Variants in TSHR observed in about 807,000 individuals in gnomAD.
TSHR encodes thyrotropin receptor.
Under a neutral mutation model 64.1 loss-of-function variants are expected in TSHR, and 51 were observed. The ratio of observed to expected loss-of-function variants is 0.80; its 90% CI spans 0.64 to 1.01. The LOEUF (loss-of-function observed/expected upper bound fraction) is 1.01, where lower values mean the gene tolerates loss of function less well. TSHR is among the 50% of genes least tolerant of loss of function. TSHR has a pLI of 0.00. For synonymous variants in TSHR, 361 were observed against 361.9 expected, an observed-to-expected ratio of 1.00 and a Z score of 0.03; for missense variants, 877 against 942.8, an observed-to-expected ratio of 0.93 and a Z score of 0.91.
chr14:81,121,552 A>G (rs1336168851), intron 8 of TSHR, among the ~76,000 whole-genome samples: 3 of 152,338 alleles, frequency 2.0e-5, no homozygotes, highest in Non-Finnish European at 2.9e-5. Flanking sequence ...TAGAATCCCC[A>G]GGATGACCAC....
intron 1 of TSHR, among the ~76,000 whole-genome samples, chr14:81,042,848 C>A (rs1244072670): frequency 6.6e-6 from 1 of 152,050 alleles, no homozygotes; most frequent in Non-Finnish European, 1.5e-5. Flanking sequence ...ATGCTAAATG[C>A]CCTGATTTGG....
At chr14:81,060,789 C>T (rs1350822799) in intron 1 of TSHR, among the ~76,000 whole-genome samples, 1 of 152,050 alleles carries the variant, frequency 6.6e-6, no homozygotes, top group African/African-American at 2.4e-5. Context: ...CAAAAACAGA[C>T]ACATGGAGAA....
intron 8 of TSHR, among the ~76,000 whole-genome samples, chr14:81,114,573 C>A (rs1890396079): frequency 6.6e-6 from 1 of 152,168 alleles, no homozygotes; most frequent in South Asian, 2.1e-4. Flanking sequence ...AGTCTGAGAT[C>A]AAACTGCAAG....
intron 1 of TSHR, among the ~76,000 whole-genome samples, chr14:81,056,401 G>C (rs1200578066): frequency 3.3e-5 from 5 of 152,054 alleles, no homozygotes; most frequent in Non-Finnish European, 5.9e-5. Context: ...GGTCTCATGG[G>C]TTTATGTGTA....
At chr14:80,982,806 C>T in intron 1 of TSHR, 1 of 542,708 alleles carries the variant, frequency 1.8e-6, no homozygotes, top group Non-Finnish European at 3.3e-6. Context: ...CTAACTCATG[C>T]TCACAGCCCA....
intron 6 of TSHR, among the ~76,000 whole-genome samples, chr14:81,094,950 G>T (rs1270796986): frequency 7.2e-5 from 11 of 151,982 alleles, no homozygotes; most frequent in African/African-American, 1.4e-4. Context: ...GATAAACTGA[G>T]GATAAGACAG....
At chr14:81,053,482 CT>C (rs1180081181) in intron 1 of TSHR, 3 of 152,182 alleles carry the variant, frequency 2.0e-5, no homozygotes, top group African/African-American at 7.2e-5. Flanking sequence ...TCTCCAAATC[CT>C]TTAGCAAATT....
intron 4 of TSHR, among the ~76,000 whole-genome samples, chr14:81,090,521 G>A (rs957310333): frequency 6.6e-6 from 1 of 152,172 alleles, no homozygotes; most frequent in African/African-American, 2.4e-5. Flanking sequence ...GATTATAGGC[G>A]TGAGCCCCTG....
intron 8 of TSHR, among the ~76,000 whole-genome samples, chr14:81,123,454 C>A (rs967710288): frequency 1.3e-5 from 2 of 152,106 alleles, no homozygotes. Flanking sequence ...CTTTTTATAA[C>A]CTTCCTGTAT....
chr14:81,051,524 C>T (rs375838015), intron 1 of TSHR: 19 of 152,086 alleles, frequency 1.2e-4, no homozygotes, highest in African/African-American at 4.1e-4. Context: ...GGAGTGCAGA[C>T]GTTTCTTCAG....
chr14:81,096,791 G>A (rs943592819), intron 7 of TSHR, 84 bp downstream of exon 7: 1 of 1,441,544 alleles, frequency 6.9e-7, no homozygotes, highest in African/African-American at 1.4e-5. Context: ...TGAGAGATAG[G>A]TTCTACCAGA....
intron 1 of TSHR, among the ~76,000 whole-genome samples, chr14:80,976,702 G>T (rs1887894562): frequency 6.6e-6 from 1 of 152,164 alleles, no homozygotes; most frequent in South Asian, 2.1e-4. Flanking sequence ...ACAAGATATT[G>T]ACTTCTTCAG....
chr14:80,997,720 T>C (rs1441034071), intron 1 of TSHR, among the ~76,000 whole-genome samples: 1 of 152,194 alleles, frequency 6.6e-6, no homozygotes, highest in Non-Finnish European at 1.5e-5. Flanking sequence ...GTAAATAATA[T>C]ACAGACAAAT....
intron 7 of TSHR, chr14:81,104,728 A>G (rs1363576478): frequency 1.0e-6 from 1 of 983,760 alleles, no homozygotes; most frequent in Non-Finnish European, 1.2e-6. Context: ...CATTTTCCTG[A>G]CTGCATTGGT....
In TSHR at chr14:81,103,619, G is replaced by C. The variant is rs139312189; in HGVS notation, c.615-4756G>C. ...GATGTGTAAAAGCACATTGTCCTAT[G>C]ACTTCCTATGGCGCCAAGAATGTTG... On this transcript the variant is annotated intron_variant, in intron 7 of 9. Transcript: ENST00000298171. The surrounding 1 kb of genome is among the most constrained non-coding windows in gnomAD (Gnocchi z 4.1). The C allele has an allele frequency of 1.9e-5, 19 of 985,432 alleles. No homozygotes were observed. Among genetic ancestry groups the C allele is most frequent in the Non-Finnish European group, 2.3e-5 (19 of 829,938 alleles). 61.0% of individuals were successfully genotyped at this position (985,432 alleles called of 1,614,324 possible).
intron 7 of TSHR, among the ~76,000 whole-genome samples, chr14:81,098,808 C>T (rs1889382672): frequency 6.6e-6 from 1 of 152,120 alleles, no homozygotes; most frequent in South Asian, 2.1e-4. Flanking sequence ...CTAGAACTGC[C>T]TTTCCAGAAT....
intron 3 of TSHR, among the ~76,000 whole-genome samples, chr14:81,071,487 C>A (rs938861285): frequency 2.0e-5 from 3 of 152,002 alleles, no homozygotes; most frequent in African/African-American, 7.3e-5. Context: ...GTCATTGTTT[C>A]TTTTGGGACA....
Position 81,143,037 on chromosome 14 carries a change from G to T in TSHR, c.979G>T (p.Glu327Ter), listed in dbSNP as rs1296456057. 6.2e-7 allele frequency: 1 copy of T among 1,614,178 alleles called. No homozygotes were observed. Among genetic ancestry groups the T allele is most frequent in the South Asian group, 1.1e-5 (1 of 91,084 alleles). ...ALNSPLHQEYEENLGDSIVGY... is the reference protein window; with the variant it reads ...ALNSPLHQEY Reference sequence around the variant, plus strand: ...GAATAGCCCCCTCCACCAGGAATATGAAGAGAATCTGGGTGACAGCATTGT... The same window carrying T: ...GAATAGCCCCCTCCACCAGGAATATTAAGAGAATCTGGGTGACAGCATTGT... Residue 327 changes from glutamate (E) to a stop codon, truncating the protein, a stop_gained, in exon 10 of 10, where the codon GAA (glutamate) becomes TAA (stop). Transcript: ENST00000298171. LOFTEE classifies it high-confidence loss of function.
intron 7 of TSHR, among the ~76,000 whole-genome samples, chr14:81,101,827 G>A (rs1018424595): frequency 6.6e-6 from 1 of 152,086 alleles, no homozygotes; most frequent in Non-Finnish European, 1.5e-5. Flanking sequence ...GGGAGTGTGT[G>A]CACACTTCAC....
Sources: allele counts gnomAD v4.1 joint callset (sites outside exome capture counted in the v4.1 genomes callset), GRCh38; gene constraint gnomAD v4.1.1; non-coding constraint Gnocchi (gnomAD v3.1); transcripts MANE v1.5; gene names NCBI Gene and HGNC (gene_info 2026-07-23, HGNC 2026-07-21).